Variants in CTNND2 observed in about 807,000 individuals in gnomAD.
CTNND2 encodes the protein catenin delta 2.
CTNND2 carries 22 observed loss-of-function variants against 144.4 expected under a neutral mutation model. The observed-to-expected ratio is 0.15, with a 90% confidence interval of 0.11 to 0.22. The LOEUF is 0.22. CTNND2 is among the 10% of genes least tolerant of loss of function. CTNND2 has a pLI of 1.00. For missense variants in CTNND2, 1,353 were observed against 1,618.8 expected (o/e 0.84, Z 2.82); for synonymous variants, 751 against 695.6 (o/e 1.08, Z -1.25).
intron 11 of CTNND2, among the ~76,000 whole-genome samples, chr5:11,167,868 C>CT (rs762392790): frequency 0.014 from 1,854 of 128,986 alleles, 39 homozygotes; most frequent in Admixed American, 0.04. Flanking sequence ...CCATACCTGA[C>CT]TTTTTTTTTT....
At position 10,972,947 on chromosome 5, in the gene CTNND2, A is replaced by G. The variant is rs1459737952; in HGVS notation, c.*506T>C. On this transcript the variant is annotated 3_prime_UTR_variant, in exon 22 of 22. Transcript: ENST00000304623. ...TTTTCTTCTTTAATCTGTAATGTAC[A>G]TCAAATACTTTACAACAATGCATTA... 6.5e-6 allele frequency: 1 copy of G among 152,868 alleles called. No homozygotes were observed. Among genetic ancestry groups the G allele is most frequent in the Non-Finnish European group, 1.5e-5 (1 of 68,204 alleles). The allele number at this position is 152,868 out of a possible 1,614,324, so 9.5% of individuals were successfully genotyped here. A position where few individuals can be genotyped will look rare whatever the true frequency, so the allele number is the denominator to read the frequency against.
At chr5:11,502,683 C>G (rs369555543) in intron 3 of CTNND2, among the ~76,000 whole-genome samples, 1 of 152,064 alleles carries the variant, frequency 6.6e-6, no homozygotes, top group African/African-American at 2.4e-5. Flanking sequence ...CATTTGGTAC[C>G]CCAGACTATC....
At chr5:11,521,191 T>C (rs183236432) in intron 3 of CTNND2, among the ~76,000 whole-genome samples, 55 of 152,324 alleles carry the variant, frequency 3.6e-4, no homozygotes, top group African/African-American at 1.3e-3. Flanking sequence ...TGTGGCCATA[T>C]ATTTCTTAAT....
intron 12 of CTNND2, among the ~76,000 whole-genome samples, chr5:11,120,434 G>C (rs1158527977): frequency 6.6e-6 from 1 of 152,194 alleles, no homozygotes; most frequent in Non-Finnish European, 1.5e-5. Flanking sequence ...TTATCATACT[G>C]TCTGCAGGGG....
At chr5:11,418,692 C>T (rs1439187230) in intron 3 of CTNND2, among the ~76,000 whole-genome samples, 2 of 152,106 alleles carry the variant, frequency 1.3e-5, no homozygotes, top group East Asian at 3.9e-4. Flanking sequence ...GGAGCAGGGT[C>T]GCACCTGGTT....
At chr5:11,149,468 T>C (rs1054805247) in intron 12 of CTNND2, among the ~76,000 whole-genome samples, 1 of 152,180 alleles carries the variant, frequency 6.6e-6, no homozygotes, top group African/African-American at 2.4e-5. Context: ...CATCCTCACA[T>C]ACAATCTTTG....
At chr5:11,758,498 C>G (rs1259929975) in intron 1 of CTNND2, among the ~76,000 whole-genome samples, 1 of 151,944 alleles carries the variant, frequency 6.6e-6, no homozygotes, top group African/African-American at 2.4e-5. Context: ...TCCCCTTTCC[C>G]CATCCACTCA....
intron 1 of CTNND2, among the ~76,000 whole-genome samples, chr5:11,765,094 G>C: frequency 8.7e-6 from 1 of 115,314 alleles, no homozygotes; most frequent in African/African-American, 3.4e-5. Context: ...GCCTCTATTT[G>C]ATGCATTGAG....
chr5:11,456,999 A>G (rs916978426), intron 3 of CTNND2, among the ~76,000 whole-genome samples: 14 of 152,242 alleles, frequency 9.2e-5, no homozygotes, highest in African/African-American at 2.9e-4. Flanking sequence ...AACAACAATA[A>G]TAAAATTAAA....
At chr5:11,544,808 T>C (rs577178598) in intron 3 of CTNND2, among the ~76,000 whole-genome samples, 8 of 151,654 alleles carry the variant, frequency 5.3e-5, no homozygotes, top group Non-Finnish European at 1.0e-4. Context: ...CATGGTGAAA[T>C]CTCTGTCTCC....
At chr5:11,117,696 A>C (rs1753704532) in intron 12 of CTNND2, 129 bp from the exon 13 acceptor site, 1 of 711,094 alleles carries the variant, frequency 1.4e-6, no homozygotes, top group African/African-American at 1.8e-5. Context: ...GCTTATCAAG[A>C]ATATATCTTT....
intron 3 of CTNND2, among the ~76,000 whole-genome samples, chr5:11,492,322 C>T (rs146451831): frequency 2.4e-3 from 359 of 152,256 alleles, no homozygotes; most frequent in African/African-American, 8.5e-3. Context: ...GGGCAACATT[C>T]TTCATTTCCT....
At chr5:11,811,931 A>T (rs4701921) in intron 1 of CTNND2, among the ~76,000 whole-genome samples, 146,681 of 152,296 alleles carry the variant, frequency 0.96, 70,881 homozygotes, top group East Asian at 1. Flanking sequence ...AAAGATTTTT[A>T]AAAAATCATT....
chr5:11,544,351 G>A (rs954470243), intron 3 of CTNND2, among the ~76,000 whole-genome samples: 3 of 152,160 alleles, frequency 2.0e-5, no homozygotes, highest in African/African-American at 7.2e-5. Flanking sequence ...CTGATACACT[G>A]CTGATAGGAT....
rs61758951 is a variant in CTNND2, at chr5:11,462,281, G to A, written c.288-50212C>T. ...AGGTTCTTTATTCTTTGATTTCGAT[G>A]ACCTCGTGGGCATAGGACTTGGGGG... On this transcript the variant is annotated intron_variant, in intron 3 of 21. Coordinates refer to ENST00000304623, the MANE Select transcript of CTNND2 (RefSeq NM_001332.4). 2.3e-3 allele frequency among the ~76,000 whole-genome samples: 345 copies of A among 152,248 alleles called. 2 individuals carry two copies. Among genetic ancestry groups the A allele is most frequent in the African/African-American group, 7.5e-3 (312 of 41,548 alleles).
intron 12 of CTNND2, among the ~76,000 whole-genome samples, chr5:11,127,287 C>A (rs905144990): frequency 6.6e-6 from 1 of 152,190 alleles, no homozygotes. Flanking sequence ...ACAGGACAGC[C>A]CAGGTGGATT....
intron 2 of CTNND2, among the ~76,000 whole-genome samples, chr5:11,643,676 T>C (rs1410910876): frequency 1.3e-5 from 2 of 152,156 alleles, no homozygotes; most frequent in Non-Finnish European, 2.9e-5. Context: ...TGTGAAATTA[T>C]TCTTACATAA....
intron 18 of CTNND2, among the ~76,000 whole-genome samples, chr5:11,005,311 G>A (rs1740368839): frequency 6.6e-6 from 1 of 152,232 alleles, no homozygotes; most frequent in South Asian, 2.1e-4. Context: ...AGTCAGCGCA[G>A]GGAGGTGAGC....
chr5:11,805,212 G>A (rs553638522), intron 1 of CTNND2, among the ~76,000 whole-genome samples: 30 of 152,210 alleles, frequency 2.0e-4, no homozygotes, highest in African/African-American at 6.7e-4. Context: ...ACAGACTAGA[G>A]TTGGACACAT....
Sources: gnomAD v4.1 joint callset for allele counts (sites outside exome capture counted in the v4.1 genomes callset) on GRCh38, gnomAD v4.1.1 for gene constraint, MANE v1.5 for transcripts, NCBI Gene and HGNC (gene_info 2026-07-23, HGNC 2026-07-21) for gene names.